FBXW9: variants seen among roughly 807,000 people sequenced by gnomAD.
The protein encoded by FBXW9 is F-box and WD repeat domain containing 9.
In FBXW9, 38 loss-of-function variants were observed where a neutral mutation model predicts 55.8. The ratio of observed to expected loss-of-function variants is 0.68; its 90% CI spans 0.53 to 0.89. The LOEUF (loss-of-function observed/expected upper bound fraction) is 0.89, where lower values mean the gene tolerates loss of function less well. Among genes scored for constraint, FBXW9 ranks in the 40% least tolerant of loss-of-function variants. The pLI is 0.00. For synonymous variants in FBXW9, 289 were observed against 278.2 expected (o/e 1.04, Z -0.38); for missense variants, 590 against 619.4 (o/e 0.95, Z 0.50).
At position 12,689,662 on chromosome 19, in the gene FBXW9, G is replaced by C; in HGVS notation, c.1147-32C>G. 2.5e-6 allele frequency: 4 copies of C among 1,611,648 alleles called. No individual in the cohort carries two copies. Among genetic ancestry groups the C allele is most frequent in the Non-Finnish European group, 3.4e-6 (4 of 1,178,002 alleles). On this transcript the variant is annotated intron_variant, in intron 7 of 9. Coordinates refer to ENST00000393261, the MANE Select transcript of FBXW9 (RefSeq NM_032301.3). The surrounding 1 kb of genome is among the most constrained non-coding windows in gnomAD (Gnocchi z 5.9). ...GAGGAGGATCAGGCAACACTCAGTC[G>C]AGGCTCTCCCAAGGCCCGCCCTCCC...
rs58312983 is a variant in FBXW9 at position 12,689,894 on chromosome 19, C to G, written c.1033-20G>C. ...GTCCAGCTACGAGAGGGACAAGGGACGGGACAGCTCAGGCCGGGCTGGGCC... is the reference window on the plus strand; with the variant it reads ...GTCCAGCTACGAGAGGGACAAGGGAGGGGACAGCTCAGGCCGGGCTGGGCC... On this transcript the variant is annotated intron_variant, in intron 6 of 9. Transcript: ENST00000393261. The surrounding 1 kb of genome is among the most constrained non-coding windows in gnomAD (Gnocchi z 5.9). 0.032 allele frequency: 50,871 copies of G among 1,613,060 alleles called. 6,056 individuals carry two copies. In the African/African-American group the frequency reaches 0.39, roughly 12 times the overall value.
At position 12,690,004 on chromosome 19, in the gene FBXW9, C is replaced by T. The variant is rs1315097712; in HGVS notation, c.990G>A (p.Val330=). The change falls in exon 6 of 10, where the codon GTG becomes GTA. Residue 330 remains valine (V), a synonymous_variant. Transcript: ENST00000393261. The stretch of plus-strand genomic sequence containing the variant: ...CGCTGTTGGCTCGGCGGTCCACCAC[C>T]ACCAGGGTGTGGTCCTCGCTGCCTG... ...IISGSEDHTL[V]VVDRRANSVL... The T allele has an allele frequency of 9.9e-6, 16 of 1,613,928 alleles. No individual in the cohort carries two copies. The highest frequency in any genetic ancestry group is 2.7e-5 in the African/African-American group (2 of 74,932).
intron 3 of FBXW9, among the ~76,000 whole-genome samples, chr19:12,693,501 GAAAAAA>G (rs1214446276): frequency 4.7e-4 from 1 of 2,132 alleles, no homozygotes; most frequent in African/African-American, 8.5e-4. Flanking sequence ...TCTACTAAAG[GAAAAAA>G]AAAAAAAAAA....
intron 1 of FBXW9, 88 bp downstream of exon 1, chr19:12,696,085 G>C (rs1172623222): frequency 1.5e-6 from 2 of 1,295,922 alleles, no homozygotes; most frequent in Non-Finnish European, 2.1e-6. Flanking sequence ...GGCTGCATCC[G>C]GAACACCCCA....
chr19:12,696,049 A>T, intron 1 of FBXW9, 124 bp downstream of exon 1: 1 of 1,027,042 alleles, frequency 9.7e-7, no homozygotes, highest in Non-Finnish European at 1.4e-6. Context: ...AGCCTGAGCC[A>T]GGACAGCCAC....
rs1250381846 is a variant in FBXW9 at position 12,693,603 on chromosome 19, C to G, written c.678+991G>C. Among the ~76,000 whole-genome samples, 161 of 72,918 alleles carry G rather than the reference C, an allele frequency of 2.2e-3. 14 individuals are homozygous for G. Among genetic ancestry groups the G allele is most frequent in the African/African-American group, 8.9e-3 (151 of 16,988 alleles). 47.8% of individuals were successfully genotyped at this position (72,918 alleles called of 152,430 possible). ...ACACACACACACACACACACACACACACACAAAAGAAATTAGCTGGGCATG... is the reference window on the plus strand; with the variant it reads ...ACACACACACACACACACACACACAGACACAAAAGAAATTAGCTGGGCATG... On this transcript the variant is annotated intron_variant, in intron 3 of 9. Transcript: ENST00000393261.
At chr19:12,695,210 C>T (rs1372954226) in intron 1 of FBXW9, among the ~76,000 whole-genome samples, 1 of 152,196 alleles carries the variant, frequency 6.6e-6, no homozygotes, top group Admixed American at 6.5e-5. Context: ...CGCCATCCCC[C>T]AACCCAAACT....
rs920130328 is a variant in FBXW9 at position 12,691,023 on chromosome 19, C to T, written c.883+143G>A. 5.9e-5 allele frequency: 46 copies of T among 773,254 alleles called. No individual in the cohort carries two copies. In the African/African-American group the frequency reaches 6.9e-4, roughly 12 times the overall value. The allele number at this position is 773,254 out of a possible 1,614,324, so 47.9% of individuals were successfully genotyped here. A position where few individuals can be genotyped will look rare whatever the true frequency, so the allele number is the denominator to read the frequency against. On this transcript the variant is annotated intron_variant, in intron 5 of 9. Coordinates refer to ENST00000393261, the MANE Select transcript of FBXW9 (RefSeq NM_032301.3). ...CACCTTCACCCGCTGCCCAAGTTGC[C>T]TGTATTGTACCAGCACAGCATGGCC...
In FBXW9 at chr19:12,689,970, G is replaced by A. The variant is rs760934757; in HGVS notation, c.1024C>T (p.Arg342Cys). 11 of 1,613,578 alleles carry A rather than the reference G, an allele frequency of 6.8e-6. No homozygotes were observed. Among genetic ancestry groups the A allele is most frequent in the East Asian group, 4.5e-5 (2 of 44,868 alleles). Residue 342 changes from arginine (R) to cysteine (C), a missense_variant, in exon 6 of 10, where the codon CGT becomes TGT. Physicochemically the swap from Arg to Cys is radical, Grantham distance 180. Transcript: ENST00000393261. The surrounding 1 kb of genome is among the most constrained non-coding windows in gnomAD (Gnocchi z 5.9). ...VDRRANSVLQ[R>C]LQLDSYLLCM... ...CCCTGGGGAGGGCCCACCTGCAGAC[G>A]CTGCAGGACGCTGTTGGCTCGGCGG...
rs867996943 is a variant in FBXW9, at chr19:12,696,266, C to A, written c.316G>T (p.Val106Leu). ...ACGAGGTCGCGGAGCGCGTGGCACA[C>A]CCGCGACAGGACGTGGAGCACGAGG... Reference protein sequence around the residue: ...ARLVLHVLSRVCHALRDLVSD... With the variant: ...ARLVLHVLSRLCHALRDLVSD... Residue 106 changes from valine (V) to leucine (L), a missense_variant, in exon 1 of 10, where the codon GTG becomes TTG. Transcript: ENST00000393261. 1 of 1,571,104 alleles carries A rather than the reference C, an allele frequency of 6.4e-7. No homozygotes were observed. Among genetic ancestry groups the A allele is most frequent in the Admixed American group, 1.9e-5 (1 of 53,506 alleles).
In FBXW9 at chr19:12,689,945, C is replaced by G; in HGVS notation, c.1032+17G>C. On this transcript the variant is annotated intron_variant, in intron 6 of 9. Coordinates refer to ENST00000393261, the MANE Select transcript of FBXW9 (RefSeq NM_032301.3). The surrounding 1 kb of genome is among the most constrained non-coding windows in gnomAD (Gnocchi z 5.9). ...TGCAACAGTCCCCATCCCTCCAGGC[C>G]CCTGGGGAGGGCCCACCTGCAGACG... 1.9e-6 allele frequency: 3 copies of G among 1,613,538 alleles called. No homozygotes were observed. The highest frequency in any genetic ancestry group is 2.5e-6 in the Non-Finnish European group (3 of 1,179,710).
Position 12,689,684 on chromosome 19 carries a change from T to A in FBXW9, c.1147-54A>T. The A allele has an allele frequency of 1.2e-6, 2 of 1,606,188 alleles. No individual in the cohort carries two copies. Reference sequence around the variant, plus strand: ...GTCGAGGCTCTCCCAAGGCCCGCCCTCCCCCACACCACCAGGGGCTCGGGT... The same window carrying A: ...GTCGAGGCTCTCCCAAGGCCCGCCCACCCCCACACCACCAGGGGCTCGGGT... On this transcript the variant is annotated intron_variant, in intron 7 of 9. Transcript: ENST00000393261. This position sits in a 1 kb window ranked among gnomAD's most constrained non-coding sequence, Gnocchi z 5.9.
In FBXW9 at chr19:12,696,517, G is replaced by C; in HGVS notation, c.65C>G (p.Ser22Ter). The part of the protein sequence containing the change: ...RTWDDDSDPE[S>*]ETDPDAQAKA... ...GGCCTGCGCGTCTGGGTCTGTCTCT[G>C]ACTCTGGGTCCGAGTCATCGTCCCA... Residue 22 changes from serine (S) to a stop codon, truncating the protein, a stop_gained, in exon 1 of 10, where the codon TCA becomes TGA. Coordinates refer to ENST00000393261, the MANE Select transcript of FBXW9 (RefSeq NM_032301.3). LOFTEE classifies it high-confidence loss of function. The C allele has an allele frequency of 6.2e-7, 1 of 1,612,798 alleles. No homozygotes were observed. The highest frequency in any genetic ancestry group is 8.5e-7 in the Non-Finnish European group (1 of 1,179,982).
At position 12,696,339 on chromosome 19, in the gene FBXW9, G is replaced by T; in HGVS notation, c.243C>A (p.Ser81Arg). ...VSAVSEPGLL[S>R]LPPELLLEIC... ...TCTCGAGCAGCAGCTCCGGGGGAAGGCTCAGAAGGCCCGGCTCACTTACGG... is the reference window on the plus strand; with the variant it reads ...TCTCGAGCAGCAGCTCCGGGGGAAGTCTCAGAAGGCCCGGCTCACTTACGG... The change falls in exon 1 of 10, where the codon AGC becomes AGA. Residue 81 changes from serine (S) to arginine (R), a missense_variant. Coordinates refer to ENST00000393261, the MANE Select transcript of FBXW9 (RefSeq NM_032301.3). 6.3e-7 allele frequency: 1 copy of T among 1,597,820 alleles called. No homozygotes were observed. Among genetic ancestry groups the T allele is most frequent in the Non-Finnish European group, 8.5e-7 (1 of 1,172,994 alleles).
chr19:12,693,000 T>C (rs2025025873), intron 3 of FBXW9, among the ~76,000 whole-genome samples: 1 of 152,158 alleles, frequency 6.6e-6, no homozygotes, highest in Non-Finnish European at 1.5e-5. Flanking sequence ...CCTCAGGAGC[T>C]AATATGCACA....
chr19:12,690,240 G>A, intron 5 of FBXW9, 130 bp from the exon 6 acceptor site: 11 of 1,469,740 alleles, frequency 7.5e-6, no homozygotes, highest in Non-Finnish European at 1.0e-5. Context: ...CCACCCCACA[G>A]AGTGACCCAT....
intron 3 of FBXW9, among the ~76,000 whole-genome samples, chr19:12,694,048 C>G (rs1181015867): frequency 6.6e-6 from 1 of 150,982 alleles, no homozygotes; most frequent in Non-Finnish European, 1.5e-5. Flanking sequence ...ATTAGCTGGG[C>G]ATGGTGGTCC....
At chr19:12,690,293 C>G (rs973449703) in intron 5 of FBXW9, 183 bp from the exon 6 acceptor site, 4 of 956,106 alleles carry the variant, frequency 4.2e-6, no homozygotes, top group Non-Finnish European at 6.4e-6. Flanking sequence ...TCCACAGGAG[C>G]CCCAGGCCTC....
Position 12,691,353 on chromosome 19 carries a change from G to A in FBXW9, c.780C>T (p.Phe260=), listed in dbSNP as rs377269968. Residue 260 remains phenylalanine, a synonymous_variant, in exon 4 of 10, where the codon TTC becomes TTT. Transcript: ENST00000393261. ...AGGCCCCCACACACTTTATCTCGCCGAACTGCTGCCCATCCGCTGCCATGT... is the reference window on the plus strand; with the variant it reads ...AGGCCCCCACACACTTTATCTCGCCAAACTGCTGCCCATCCGCTGCCATGT... ...LWDMAADGQQ[F]GEIKASSAVL... is the part of the protein sequence containing the mutation. 113 of 1,613,452 alleles carry A rather than the reference G, an allele frequency of 7.0e-5. No individual in the cohort carries two copies. The highest frequency in any genetic ancestry group is 9.3e-5 in the Non-Finnish European group (110 of 1,179,792).
Sources: allele counts gnomAD v4.1 joint callset (sites outside exome capture counted in the v4.1 genomes callset), GRCh38; gene constraint gnomAD v4.1.1; non-coding constraint Gnocchi (gnomAD v3.1); transcripts MANE v1.5; gene names NCBI Gene and HGNC (gene_info 2026-07-23, HGNC 2026-07-21).